LRRFIP1: variants seen among roughly 807,000 people sequenced by gnomAD.
The protein encoded by LRRFIP1 is LRR binding FLII interacting protein 1.
Under a neutral mutation model 104.4 loss-of-function variants are expected in LRRFIP1, and 62 were observed. The observed-to-expected ratio is 0.59, with a 90% CI of 0.48 to 0.73. LRRFIP1 has a LOEUF of 0.73. Ranked by LOEUF, LRRFIP1 falls within the 30% of genes least tolerant of loss-of-function variation. The pLI is 0.00. For synonymous variants in LRRFIP1, 300 were observed against 299.0 expected (o/e 1.00, Z -0.03); for missense variants, 796 against 824.5 (o/e 0.97, Z 0.42).
intron 8 of LRRFIP1, chr2:237,729,763 T>A (rs2117365): frequency 0.045 from 44,506 of 984,192 alleles, 4,318 homozygotes; most frequent in African/African-American, 0.37. Flanking sequence ...AAACGTGTTT[T>A]CTTCTTTGGT....
chr2:237,753,596 G>A, intron 15 of LRRFIP1, 117 bp downstream of exon 15: 2 of 768,128 alleles, frequency 2.6e-6, no homozygotes, highest in Non-Finnish European at 4.0e-6. Flanking sequence ...AAGAGTTCGA[G>A]ACCAGCCTGG....
chr2:237,673,372 C>T (rs2090636819), intron 1 of LRRFIP1, among the ~76,000 whole-genome samples: 1 of 152,158 alleles, frequency 6.6e-6, no homozygotes, highest in Non-Finnish European at 1.5e-5. Flanking sequence ...CTGGACGTCA[C>T]CCCATTCTCA....
Position 237,653,052 on chromosome 2 carries a change from G to A in LRRFIP1, c.96+25312G>A, listed in dbSNP as rs368118082. On this transcript the variant is annotated intron_variant, in intron 1 of 23. Coordinates refer to ENST00000308482, the MANE Select transcript of LRRFIP1 (RefSeq NM_001137550.2). ...CTCTCTCTCCTGCCGCCATGTGAAAGTGCTTGCTTCCCCTTTACCCTTCCA... is the reference window on the plus strand; with the variant it reads ...CTCTCTCTCCTGCCGCCATGTGAAAATGCTTGCTTCCCCTTTACCCTTCCA... Among the ~76,000 whole-genome samples, 9 of 152,290 alleles carry A rather than the reference G, an allele frequency of 5.9e-5. No homozygotes were observed. The East Asian group carries it at 7.7e-4, about 13-fold the overall frequency.
intron 18 of LRRFIP1, among the ~76,000 whole-genome samples, chr2:237,759,318 C>T (rs559463778): frequency 5.4e-4 from 82 of 152,234 alleles, no homozygotes; most frequent in African/African-American, 1.9e-3. Flanking sequence ...CTGCTTGACA[C>T]AGGTGAAGCG....
chr2:237,660,049 A>C, intron 1 of LRRFIP1, among the ~76,000 whole-genome samples: 1 of 152,250 alleles, frequency 6.6e-6, no homozygotes, highest in East Asian at 1.9e-4. Context: ...ATATTTATAA[A>C]GGCAAAAGCC....
At chr2:237,760,334 C>T (rs1239415493) in intron 19 of LRRFIP1, 129 bp downstream of exon 19, 8 of 1,085,954 alleles carry the variant, frequency 7.4e-6, no homozygotes, top group Non-Finnish European at 9.1e-6. Context: ...TTTGTTTCAT[C>T]ACTTCATGGT....
intron 1 of LRRFIP1, among the ~76,000 whole-genome samples, chr2:237,642,341 G>T (rs958856133): frequency 4.6e-5 from 7 of 152,196 alleles, no homozygotes; most frequent in Non-Finnish European, 1.0e-4. Context: ...CTGGTTCCAG[G>T]CTCTAGGCCT....
intron 1 of LRRFIP1, among the ~76,000 whole-genome samples, chr2:237,698,116 T>C (rs1473760756): frequency 6.6e-6 from 1 of 152,206 alleles, no homozygotes; most frequent in East Asian, 1.9e-4. Flanking sequence ...GTTTGCTATT[T>C]TAGGATGCGA....
Position 237,717,516 on chromosome 2 carries a change from C to T in LRRFIP1, c.202-246C>T, listed in dbSNP as rs551863711. On this transcript the variant is annotated intron_variant, in intron 3 of 23. Coordinates refer to ENST00000308482, the MANE Select transcript of LRRFIP1 (RefSeq NM_001137550.2). This position sits in a 1 kb window ranked among gnomAD's most constrained non-coding sequence, Gnocchi z 4.2. ...ACCTGGGGAAGCTTCGTCCTGGGCT[C>T]TCTTGCTTTGCCGGGATGGGGTGGG... Among the ~76,000 whole-genome samples, 1 of 152,300 alleles carries T rather than the reference C, an allele frequency of 6.6e-6. No individual in the cohort carries two copies. Among genetic ancestry groups the T allele is most frequent in the Admixed American group, 6.5e-5 (1 of 15,304 alleles).
intron 1 of LRRFIP1, among the ~76,000 whole-genome samples, chr2:237,629,246 T>C (rs984732099): frequency 2.6e-5 from 4 of 152,226 alleles, no homozygotes; most frequent in African/African-American, 9.7e-5. Flanking sequence ...TGGCTAAATA[T>C]AGACATTTGC....
Position 237,751,779 on chromosome 2 carries a change from T to C in LRRFIP1, c.867+508T>C, listed in dbSNP as rs550726554. Among the ~76,000 whole-genome samples, 31 of 152,352 alleles carry C rather than the reference T, an allele frequency of 2.0e-4. No homozygotes were observed. In the South Asian group the frequency reaches 4.3e-3, roughly 21 times the overall value. Reference sequence around the variant, plus strand: ...TTGAAGTAAAGACTGACTATGGCATTGGCTTTCTTGGAGCGTGTGCACACT... The same window carrying C: ...TTGAAGTAAAGACTGACTATGGCATCGGCTTTCTTGGAGCGTGTGCACACT... On this transcript the variant is annotated intron_variant, in intron 14 of 23. Coordinates refer to ENST00000308482, the MANE Select transcript of LRRFIP1 (RefSeq NM_001137550.2).
At chr2:237,654,255 A>G (rs1183479335) in intron 1 of LRRFIP1, among the ~76,000 whole-genome samples, 1 of 152,242 alleles carries the variant, frequency 6.6e-6, no homozygotes, top group Non-Finnish European at 1.5e-5. Context: ...ATACGTGAAA[A>G]AAAAATGCTT....
intron 8 of LRRFIP1, among the ~76,000 whole-genome samples, chr2:237,732,915 G>A (rs568810038): frequency 2.7e-4 from 41 of 152,276 alleles, no homozygotes; most frequent in African/African-American, 9.1e-4. Flanking sequence ...GTTCAGGTCC[G>A]GCCCTGAGGT....
chr2:237,733,053 G>A (rs750132815), intron 8 of LRRFIP1, among the ~76,000 whole-genome samples: 8 of 152,218 alleles, frequency 5.3e-5, no homozygotes, highest in Non-Finnish European at 8.8e-5. Flanking sequence ...TGGAGCTGCT[G>A]AGTGATCACC....
intron 1 of LRRFIP1, among the ~76,000 whole-genome samples, chr2:237,704,168 T>C (rs1243627383): frequency 6.6e-6 from 1 of 150,864 alleles, no homozygotes; most frequent in African/African-American, 2.4e-5. Flanking sequence ...TTTTTTTTTT[T>C]TCAAGGCAGA....
intron 1 of LRRFIP1, among the ~76,000 whole-genome samples, chr2:237,687,561 G>A (rs974514361): frequency 2.2e-5 from 3 of 135,162 alleles, no homozygotes; most frequent in African/African-American, 8.7e-5. Context: ...CCAAGATCAT[G>A]CCACTGCACT....
In LRRFIP1 at chr2:237,711,462, G is replaced by C. The variant is rs2094082761; in HGVS notation, c.184-2797G>C. 6.6e-6 allele frequency among the ~76,000 whole-genome samples: 1 copy of C among 152,260 alleles called. No individual in the cohort carries two copies. The highest frequency in any genetic ancestry group is 1.5e-5 in the Non-Finnish European group (1 of 68,050). On this transcript the variant is annotated intron_variant, in intron 2 of 23. Coordinates refer to ENST00000308482, the MANE Select transcript of LRRFIP1 (RefSeq NM_001137550.2). The surrounding 1 kb of genome is among the most constrained non-coding windows in gnomAD (Gnocchi z 4.4). ...GTGCTCTCACCAGCAGGGACCGGAG[G>C]AGGGGGTGGTGTCCCTTGCAGGCAG...
intron 1 of LRRFIP1, among the ~76,000 whole-genome samples, chr2:237,699,061 A>G (rs2093358748): frequency 6.6e-6 from 1 of 152,252 alleles, no homozygotes; most frequent in South Asian, 2.1e-4. Context: ...AGACCTGCAC[A>G]CACCTGTGCC....
At chr2:237,636,115 A>T (rs917326766) in intron 1 of LRRFIP1, among the ~76,000 whole-genome samples, 33 of 143,730 alleles carry the variant, frequency 2.3e-4, no homozygotes, top group East Asian at 1.2e-3. Flanking sequence ...AAAAAAAAAA[A>T]TTTAAAAGAA....
Sources: gnomAD v4.1 joint callset for allele counts (sites outside exome capture counted in the v4.1 genomes callset) on GRCh38, gnomAD v4.1.1 for gene constraint, Gnocchi (gnomAD v3.1) non-coding constraint, MANE v1.5 for transcripts, NCBI Gene and HGNC (gene_info 2026-07-23, HGNC 2026-07-21) for gene names.